Variants in ZZZ3 observed in about 807,000 individuals in gnomAD.
ZZZ3 encodes the protein ZZ-type zinc finger-containing protein 3.
A neutral mutation model predicts 95.2 loss-of-function variants in ZZZ3; 22 were observed. The ratio of observed to expected loss-of-function variants is 0.23; its 90% CI spans 0.17 to 0.33. The LOEUF is 0.33. Among genes scored for constraint, ZZZ3 ranks in the 10% least tolerant of loss-of-function variants. The pLI, the probability that ZZZ3 is intolerant of heterozygous loss-of-function variation, is 1.00. For missense variants in ZZZ3, 885 were observed against 1,066.5 expected, an observed-to-expected ratio of 0.83 and a Z score of 2.37; for synonymous variants, 335 against 358.9, an observed-to-expected ratio of 0.93 and a Z score of 0.75.
At chr1:77,653,440 A>C (rs1049032307) in intron 1 of ZZZ3, among the ~76,000 whole-genome samples, 3 of 152,194 alleles carry the variant, frequency 2.0e-5, no homozygotes, top group Non-Finnish European at 1.5e-5. Context: ...GGTTAAGTGT[A>C]TATCTCAATG....
At chr1:77,594,266 A>G (rs1306464306) in intron 5 of ZZZ3, among the ~76,000 whole-genome samples, 1 of 152,174 alleles carries the variant, frequency 6.6e-6, no homozygotes, top group Non-Finnish European at 1.5e-5. Flanking sequence ...CACTTCTAAA[A>G]GGAAATTATC....
chr1:77,653,030 T>G (rs1669948096), intron 1 of ZZZ3, among the ~76,000 whole-genome samples: 1 of 151,962 alleles, frequency 6.6e-6, no homozygotes, highest in Non-Finnish European at 1.5e-5. Flanking sequence ...CTACAAAAAA[T>G]TAAAAAATTA....
intron 1 of ZZZ3, among the ~76,000 whole-genome samples, chr1:77,653,503 C>T (rs772577759): frequency 2.1e-4 from 32 of 152,152 alleles, no homozygotes; most frequent in Non-Finnish European, 4.0e-4. Flanking sequence ...CCTGTAATCC[C>T]AACACTTTGT....
At chr1:77,674,184 G>A (rs1022258637) in intron 1 of ZZZ3, among the ~76,000 whole-genome samples, 4 of 152,184 alleles carry the variant, frequency 2.6e-5, no homozygotes, top group Non-Finnish European at 4.4e-5. Flanking sequence ...CCTCCTAGGA[G>A]TTCTTGAAAA....
intron 3 of ZZZ3, among the ~76,000 whole-genome samples, chr1:77,639,877 T>C (rs1668611164): frequency 6.6e-6 from 1 of 152,030 alleles, no homozygotes; most frequent in Admixed American, 6.5e-5. Flanking sequence ...ACTTGCTCTT[T>C]TCTAGACATT....
At chr1:77,594,685 C>T (rs1664049599) in intron 5 of ZZZ3, among the ~76,000 whole-genome samples, 1 of 151,710 alleles carries the variant, frequency 6.6e-6, no homozygotes, top group African/African-American at 2.4e-5. Context: ...CAATTCTTTT[C>T]AACACTTAAC....
chr1:77,580,617 C>T (rs1356153561), intron 9 of ZZZ3: 1 of 161,542 alleles, frequency 6.2e-6, no homozygotes, highest in African/African-American at 2.4e-5. Context: ...ACAATATACA[C>T]CTGACTCAAA....
At chr1:77,636,305 G>A (rs1668290069) in intron 4 of ZZZ3, among the ~76,000 whole-genome samples, 1 of 152,158 alleles carries the variant, frequency 6.6e-6, no homozygotes, top group South Asian at 2.1e-4. Context: ...CTGAATGGGA[G>A]CAAAATTTGC....
chr1:77,674,464 C>T (rs1672074396), intron 1 of ZZZ3, among the ~76,000 whole-genome samples: 1 of 152,090 alleles, frequency 6.6e-6, no homozygotes, highest in South Asian at 2.1e-4. Context: ...CACCTAGGGA[C>T]CATTAATGAC....
In ZZZ3 at chr1:77,633,231, T is replaced by C; in HGVS notation, c.124A>G (p.Asn42Asp). Residue 42 changes from asparagine to aspartate, a missense_variant, in exon 5 of 15, where the codon AAT becomes GAT. Coordinates refer to ENST00000370801, the MANE Select transcript of ZZZ3 (RefSeq NM_015534.6). Reference protein sequence around the residue: ...SIAHPEEISSNSQVRSRSPKK... With the variant: ...SIAHPEEISSDSQVRSRSPKK... Reference sequence around the variant, plus strand: ...GGTGATCTTGATCGTACTTGAGAATTAGAAGAGATTTCTTCAGGATGCGCA... The same window carrying C: ...GGTGATCTTGATCGTACTTGAGAATCAGAAGAGATTTCTTCAGGATGCGCA... 1 of 1,614,154 alleles carries C rather than the reference T, an allele frequency of 6.2e-7. No individual in the cohort carries two copies. The highest frequency in any genetic ancestry group is 1.1e-5 in the South Asian group (1 of 91,086).
At chr1:77,576,610 G>A (rs1422010706) in intron 11 of ZZZ3, among the ~76,000 whole-genome samples, 2 of 152,062 alleles carry the variant, frequency 1.3e-5, no homozygotes, top group Non-Finnish European at 2.9e-5. Flanking sequence ...AAAAGTAAAA[G>A]GAAAATTTCT....
rs117197437 is a variant in ZZZ3, at chr1:77,645,515, A to T, written c.-402-3860T>A. 133 of 152,662 alleles carry T rather than the reference A, an allele frequency of 8.7e-4. 1 individual carries two copies. The East Asian group carries it at 0.022, about 25-fold the overall frequency. The allele number at this position is 152,662 out of a possible 1,614,324, so 9.5% of individuals were successfully genotyped here. On this transcript the variant is annotated intron_variant, in intron 1 of 14. Coordinates refer to ENST00000370801, the MANE Select transcript of ZZZ3 (RefSeq NM_015534.6). Reference sequence around the variant, plus strand: ...CGCCTAAGGACGGCAGAATGGGCCAAGGTCAGAAACAGAGCAGGTCTAAAC... The same window carrying T: ...CGCCTAAGGACGGCAGAATGGGCCATGGTCAGAAACAGAGCAGGTCTAAAC...
chr1:77,583,736 G>A lies in ZZZ3; in HGVS notation c.1644+781C>T, dbSNP rs761062533. On this transcript the variant is annotated intron_variant, in intron 6 of 14. Coordinates refer to ENST00000370801, the MANE Select transcript of ZZZ3 (RefSeq NM_015534.6). ...AGATAAGGTTTCGTTTCTTTTTTAAGAAGAGGATTCTTTTTCATCATTTTT... is the reference window on the plus strand; with the variant it reads ...AGATAAGGTTTCGTTTCTTTTTTAAAAAGAGGATTCTTTTTCATCATTTTT... 2.6e-5 allele frequency among the ~76,000 whole-genome samples: 4 copies of A among 151,928 alleles called. No individual in the cohort carries two copies. The East Asian group carries it at 7.7e-4, about 29-fold the overall frequency.
At chr1:77,661,329 C>T (rs932336873) in intron 1 of ZZZ3, among the ~76,000 whole-genome samples, 1 of 152,168 alleles carries the variant, frequency 6.6e-6, no homozygotes, top group African/African-American at 2.4e-5. Flanking sequence ...AGGAGAATCG[C>T]TTGAGCCCAG....
In ZZZ3 at chr1:77,633,104, C is replaced by G. The variant is rs1570564095; in HGVS notation, c.251G>C (p.Arg84Thr). The G allele has an allele frequency of 1.2e-6, 2 of 1,613,960 alleles. No homozygotes were observed. The highest frequency in any genetic ancestry group is 2.2e-5 in the East Asian group (1 of 44,886). Residue 84 changes from arginine (R) to threonine (T), a missense_variant, in exon 5 of 15, where the codon AGG (arginine) becomes ACG (threonine). Coordinates refer to ENST00000370801, the MANE Select transcript of ZZZ3 (RefSeq NM_015534.6). Reference sequence around the variant, plus strand: ...TTCTGAAGAAGAAAGTCCTCTTTTCCTAGGGCTTACCCATGATTCTCGGGT... The same window carrying G: ...TTCTGAAGAAGAAAGTCCTCTTTTCGTAGGGCTTACCCATGATTCTCGGGT... ...QSTRESWVSPRKRGLSSSEKD... is the reference protein window; with the variant it reads ...QSTRESWVSPTKRGLSSSEKD...
intron 1 of ZZZ3, chr1:77,676,952 C>G (rs1203930105): frequency 1.1e-4 from 17 of 152,162 alleles, no homozygotes; most frequent in Admixed American, 1.1e-3. Flanking sequence ...TTAAATCTAA[C>G]TTAGAAAAAC....
intron 5 of ZZZ3, among the ~76,000 whole-genome samples, chr1:77,600,844 C>T (rs1040995353): frequency 5.3e-5 from 8 of 151,994 alleles, no homozygotes; most frequent in Non-Finnish European, 4.4e-5. Context: ...CTAACTAGGA[C>T]GGAGTTTTAA....
intron 13 of ZZZ3, among the ~76,000 whole-genome samples, chr1:77,567,244 C>CT (rs1274614183): frequency 1.3e-5 from 2 of 152,158 alleles, no homozygotes; most frequent in African/African-American, 4.8e-5. Context: ...ACTTGCCAAT[C>CT]TTTATTTCCA....
At chr1:77,664,495 T>C (rs185462438) in intron 1 of ZZZ3, among the ~76,000 whole-genome samples, 27 of 152,342 alleles carry the variant, frequency 1.8e-4, no homozygotes, top group Admixed American at 1.8e-3. Flanking sequence ...GAGCAATACA[T>C]TTTTTATTCT....
Sources: allele counts gnomAD v4.1 joint callset (sites outside exome capture counted in the v4.1 genomes callset), GRCh38; gene constraint gnomAD v4.1.1; transcripts MANE v1.5; gene names NCBI Gene and HGNC (gene_info 2026-07-23, HGNC 2026-07-21).